Variants in TPO observed in about 807,000 individuals in gnomAD.
The protein encoded by TPO is thyroid microsomal antigen.
In TPO, 78 loss-of-function variants were observed where a neutral mutation model predicts 96.9. That is an observed-to-expected ratio of 0.81 (90% confidence interval 0.67 to 0.97). TPO has a LOEUF of 0.97. Among genes scored for constraint, TPO ranks in the 50% least tolerant of loss-of-function variants. The pLI is 0.00. For missense variants in TPO, 1,252 were observed against 1,274.8 expected (o/e 0.98, Z 0.27); for synonymous variants, 547 against 538.0 (o/e 1.02, Z -0.23).
chr2:1,542,178 G>C (rs901117746), intron 16 of TPO: 2 of 604,570 alleles, frequency 3.3e-6, no homozygotes, highest in African/African-American at 3.7e-5. Flanking sequence ...GCGGATTGCA[G>C]ATCCCACTCT....
intron 14 of TPO, among the ~76,000 whole-genome samples, chr2:1,509,620 G>GTCAGGCACACCCCACCCTCTTCTT (rs1325602342): frequency 1.6e-5 from 2 of 128,486 alleles, no homozygotes; most frequent in Admixed American, 7.9e-5. Context: ...ACCCTCCTGT[G>GTCAGGCACACCCCACCCTCTTCTT]TCAGGCACAC....
At chr2:1,482,437 TG>T (rs1372501823) in intron 8 of TPO, among the ~76,000 whole-genome samples, 1 of 151,996 alleles carries the variant, frequency 6.6e-6, no homozygotes, top group African/African-American at 2.4e-5. Context: ...TGAAGCAGCC[TG>T]GGAAGATGAG....
chr2:1,435,325 G>A (rs9677050), intron 4 of TPO, among the ~76,000 whole-genome samples: 4,491 of 152,280 alleles, frequency 0.029, 234 homozygotes, highest in African/African-American at 0.1. Flanking sequence ...GCTTTTTGAA[G>A]AATGCGTAAT....
intron 12 of TPO, among the ~76,000 whole-genome samples, 158 bp from the exon 13 acceptor site, chr2:1,496,437 G>A (rs557495757): frequency 1.2e-4 from 18 of 152,320 alleles, no homozygotes; most frequent in South Asian, 6.2e-4. Flanking sequence ...GGAAGAGGCC[G>A]TGTGTGCTGC....
intron 15 of TPO, among the ~76,000 whole-genome samples, chr2:1,539,556 G>T (rs575098432): frequency 2.8e-4 from 42 of 152,294 alleles, no homozygotes; most frequent in Non-Finnish European, 5.6e-4. Context: ...CACCTAGGTC[G>T]GAGTCCGCAA....
intron 1 of TPO, among the ~76,000 whole-genome samples, chr2:1,401,177 A>G (rs1037252085): frequency 3.3e-5 from 5 of 152,192 alleles, no homozygotes; most frequent in African/African-American, 9.7e-5. Flanking sequence ...GCACATCACA[A>G]TCACCCTGCT....
chr2:1,395,723 CGTTCTAGTGATAGTGT>C (rs368821265), intron 1 of TPO, among the ~76,000 whole-genome samples: 10,505 of 151,282 alleles, frequency 0.069, 809 homozygotes, highest in African/African-American at 0.19. Flanking sequence ...TTTCTCATGC[CGTTCTAGTGATAGTGT>C]GTTCTAGTGA....
At chr2:1,390,517 T>C (rs1230012103) in intron 1 of TPO, among the ~76,000 whole-genome samples, 1 of 152,250 alleles carries the variant, frequency 6.6e-6, no homozygotes, top group Non-Finnish European at 1.5e-5. Context: ...TACAGTAGCA[T>C]GATTTATAAT....
intron 1 of TPO, among the ~76,000 whole-genome samples, chr2:1,400,559 A>ATTGCAC (rs1558246896): frequency 1.8e-5 from 2 of 112,022 alleles, no homozygotes; most frequent in African/African-American, 7.1e-5. Flanking sequence ...AAGAAGTGAG[A>ATTGCAC]CTCTGTCTCA....
intron 15 of TPO, among the ~76,000 whole-genome samples, chr2:1,521,477 C>T (rs926234491): frequency 2.6e-5 from 4 of 152,070 alleles, no homozygotes; most frequent in Non-Finnish European, 5.9e-5. Flanking sequence ...CCCCCAGGAC[C>T]CTCCTCCCCA....
chr2:1,399,203 G>GC (rs540016580), intron 1 of TPO, among the ~76,000 whole-genome samples: 85 of 152,220 alleles, frequency 5.6e-4, no homozygotes, highest in African/African-American at 1.8e-3. Flanking sequence ...GAAATGTCCA[G>GC]CCCCCCCGAG....
intron 5 of TPO, among the ~76,000 whole-genome samples, chr2:1,441,279 G>A (rs1457465490): frequency 1.3e-5 from 2 of 152,200 alleles, no homozygotes; most frequent in African/African-American, 4.8e-5. Context: ...TTGGTACGGT[G>A]TGGCCAATGC....
At chr2:1,457,594 T>C (rs560970521) in intron 7 of TPO, among the ~76,000 whole-genome samples, 1 of 150,464 alleles carries the variant, frequency 6.6e-6, no homozygotes, top group South Asian at 2.1e-4. Context: ...TGGGTACACA[T>C]ATATGTAGCA....
chr2:1,391,338 G>C (rs1453721695), intron 1 of TPO, among the ~76,000 whole-genome samples: 1 of 151,868 alleles, frequency 6.6e-6, no homozygotes, highest in Non-Finnish European at 1.5e-5. Context: ...GATGGTTGTG[G>C]ATGTGTGGTG....
At chr2:1,378,664 G>T (rs1467229982) in intron 1 of TPO, among the ~76,000 whole-genome samples, 1 of 152,216 alleles carries the variant, frequency 6.6e-6, no homozygotes, top group Non-Finnish European at 1.5e-5. Context: ...CTCCCTGGGA[G>T]GCCCTGTTCC....
chr2:1,452,625 T>C (rs1368534268), intron 5 of TPO, among the ~76,000 whole-genome samples: 1 of 152,208 alleles, frequency 6.6e-6, no homozygotes, highest in African/African-American at 2.4e-5. Flanking sequence ...CCCTCAAAAC[T>C]CCTTCTGAGA....
rs1396267315 is a variant in TPO at position 1,540,516 on chromosome 2, CGCTCGTGCCGTG to C, written c.2619-77_2619-66del. 2.5e-6 allele frequency: 4 copies of C among 1,601,466 alleles called. No individual in the cohort carries two copies. The Admixed American group carries it at 5.0e-5, about 20-fold the overall frequency. The stretch of plus-strand genomic sequence containing the variant: ...AAGACAAGCACGGCTGCCTTGCCGT[CGCTCGTGCCGTG>C]CTCTCTACCCTCCACAGTCACGGTG... On this transcript the variant is annotated intron_variant, in intron 15 of 16. Transcript: ENST00000329066.
chr2:1,408,353 G>A (rs1662276653), intron 1 of TPO, among the ~76,000 whole-genome samples: 2 of 152,186 alleles, frequency 1.3e-5, no homozygotes, highest in African/African-American at 4.8e-5. Context: ...GTCATGATCT[G>A]CCCTCTGCAC....
intron 7 of TPO, among the ~76,000 whole-genome samples, chr2:1,462,228 G>A (rs896747476): frequency 6.6e-6 from 1 of 152,088 alleles, no homozygotes; most frequent in Non-Finnish European, 1.5e-5. Context: ...CAGGCGGGGA[G>A]GGGCTGGACC....
Sources: allele counts gnomAD v4.1 joint callset (sites outside exome capture counted in the v4.1 genomes callset), GRCh38; gene constraint gnomAD v4.1.1; transcripts MANE v1.5; gene names NCBI Gene and HGNC (gene_info 2026-07-23, HGNC 2026-07-21).